Variants in HS6ST3 observed in about 807,000 individuals in gnomAD.
HS6ST3 encodes the protein heparan sulfate 6-O-sulfotransferase 3.
Under a neutral mutation model 36.7 loss-of-function variants are expected in HS6ST3, and 12 were observed. The ratio of observed to expected loss-of-function variants is 0.33; its 90% CI spans 0.21 to 0.53. The LOEUF (loss-of-function observed/expected upper bound fraction) is 0.53. Among genes scored for constraint, HS6ST3 ranks in the 20% least tolerant of loss-of-function variants. The pLI is 0.95. For missense variants in HS6ST3, 584 were observed against 640.9 expected, an observed-to-expected ratio of 0.91 and a Z score of 0.96; for synonymous variants, 240 against 257.5, an observed-to-expected ratio of 0.93 and a Z score of 0.65.
intron 1 of HS6ST3, among the ~76,000 whole-genome samples, chr13:96,111,012 A>G (rs969514371): frequency 1.3e-5 from 2 of 152,206 alleles, no homozygotes; most frequent in African/African-American, 4.8e-5. Context: ...GACTAGTATA[A>G]AGATATACCA....
At chr13:96,209,829 T>C (rs2139356721) in intron 1 of HS6ST3, among the ~76,000 whole-genome samples, 1 of 152,366 alleles carries the variant, frequency 6.6e-6, no homozygotes, top group South Asian at 2.1e-4. Flanking sequence ...TCAGAGGTCA[T>C]GTGTGACCTC....
At chr13:96,251,844 T>C (rs2139377731) in intron 1 of HS6ST3, among the ~76,000 whole-genome samples, 1 of 152,344 alleles carries the variant, frequency 6.6e-6, no homozygotes, top group East Asian at 1.9e-4. Context: ...TGTTGCTTAA[T>C]TTCTATATAT....
intron 1 of HS6ST3, among the ~76,000 whole-genome samples, chr13:96,722,400 GT>G (rs949619714): frequency 3.3e-5 from 5 of 152,178 alleles, no homozygotes; most frequent in African/African-American, 7.2e-5. Context: ...GCACTGTCCT[GT>G]TTTTTATAAA....
intron 1 of HS6ST3, among the ~76,000 whole-genome samples, chr13:96,701,045 G>C (rs1875272511): frequency 6.6e-6 from 1 of 152,146 alleles, no homozygotes; most frequent in Non-Finnish European, 1.5e-5. Context: ...TCACAGACTT[G>C]TTTCGATCAG....
intron 1 of HS6ST3, among the ~76,000 whole-genome samples, chr13:96,708,560 C>T (rs946812075): frequency 5.3e-5 from 8 of 152,176 alleles, no homozygotes; most frequent in African/African-American, 1.9e-4. Context: ...CTTCCCTCCT[C>T]ATAGAGCCTC....
chr13:96,593,445 C>A (rs186288387), intron 1 of HS6ST3, among the ~76,000 whole-genome samples: 48 of 151,648 alleles, frequency 3.2e-4, no homozygotes, highest in Admixed American at 8.6e-4. Flanking sequence ...ATCCACCCAC[C>A]TTTGTCTCCC....
chr13:96,247,254 G>A (rs1042375016), intron 1 of HS6ST3, among the ~76,000 whole-genome samples: 6 of 151,890 alleles, frequency 4.0e-5, no homozygotes, highest in Non-Finnish European at 7.4e-5. Flanking sequence ...CAGGTAATTG[G>A]TAGGGGAAAT....
chr13:96,407,535 G>A (rs1446906083), intron 1 of HS6ST3, among the ~76,000 whole-genome samples: 1 of 152,194 alleles, frequency 6.6e-6, no homozygotes, highest in Admixed American at 6.5e-5. Flanking sequence ...CGTTCACCTG[G>A]TTAGATAGGT....
chr13:96,295,070 A>T (rs921880518), intron 1 of HS6ST3, among the ~76,000 whole-genome samples: 1 of 152,116 alleles, frequency 6.6e-6, no homozygotes, highest in Non-Finnish European at 1.5e-5. Context: ...TGTGGTTAAG[A>T]CTAGGGCCAT....
intron 1 of HS6ST3, among the ~76,000 whole-genome samples, chr13:96,758,702 C>A (rs1314912666): frequency 1.3e-5 from 2 of 151,822 alleles, no homozygotes; most frequent in Non-Finnish European, 3.0e-5. Flanking sequence ...TCATTGACTT[C>A]TAATTCCTCT....
At chr13:96,829,697 A>G (rs1039218475) in intron 1 of HS6ST3, among the ~76,000 whole-genome samples, 1 of 152,170 alleles carries the variant, frequency 6.6e-6, no homozygotes, top group South Asian at 2.1e-4. Flanking sequence ...TCCATTGTGT[A>G]TATATACCAC....
chr13:96,368,182 C>G (rs2055272568), intron 1 of HS6ST3, among the ~76,000 whole-genome samples: 1 of 152,134 alleles, frequency 6.6e-6, no homozygotes, highest in Non-Finnish European at 1.5e-5. Context: ...TTCACTAACT[C>G]TAGGTTCTTA....
At chr13:96,203,019 A>G (rs370947995) in intron 1 of HS6ST3, among the ~76,000 whole-genome samples, 4 of 151,556 alleles carry the variant, frequency 2.6e-5, no homozygotes, top group African/African-American at 9.7e-5. Flanking sequence ...TCACTCATTT[A>G]CTCACTCCCT....
At chr13:96,347,411 A>G (rs575784391) in intron 1 of HS6ST3, among the ~76,000 whole-genome samples, 1 of 152,298 alleles carries the variant, frequency 6.6e-6, no homozygotes, top group East Asian at 1.9e-4. Flanking sequence ...GCTTGATGAA[A>G]TTATCATTAT....
chr13:96,231,689 A>G lies in HS6ST3; in HGVS notation c.707+140120A>G, dbSNP rs2054509018. On this transcript the variant is annotated intron_variant, in intron 1 of 1. Transcript: ENST00000376705. ...AGATTTGGGCAGGGACACAGACCCA[A>G]GCCATATCAAGGCCCATGCGCAAAA... Among the ~76,000 whole-genome samples the G allele has an allele frequency of 2.0e-5, 3 of 152,212 alleles. 1 individual carries two copies. Among genetic ancestry groups the G allele is most frequent in the Non-Finnish European group, 4.4e-5 (3 of 68,040 alleles).
intron 1 of HS6ST3, among the ~76,000 whole-genome samples, chr13:96,816,247 T>C (rs1291948564): frequency 3.9e-5 from 6 of 152,166 alleles, no homozygotes; most frequent in African/African-American, 1.4e-4. Context: ...ATTCCAGAAG[T>C]CACCTTTGGA....
chr13:96,304,943 G>C (rs2054904895), intron 1 of HS6ST3, among the ~76,000 whole-genome samples: 1 of 151,686 alleles, frequency 6.6e-6, no homozygotes, highest in South Asian at 2.1e-4. Flanking sequence ...ACTTAACCTT[G>C]TGATCCACCT....
intron 1 of HS6ST3, among the ~76,000 whole-genome samples, chr13:96,226,232 A>T (rs2054479623): frequency 6.6e-6 from 1 of 152,226 alleles, no homozygotes; most frequent in Admixed American, 6.5e-5. Context: ...ATTAAGATAA[A>T]GAAATTGGCC....
chr13:96,411,061 G>A (rs1466992191), intron 1 of HS6ST3, among the ~76,000 whole-genome samples: 3 of 152,158 alleles, frequency 2.0e-5, no homozygotes, highest in Non-Finnish European at 4.4e-5. Flanking sequence ...GGATTTGGGT[G>A]AAAAAAGTAA....
Sources: allele counts gnomAD v4.1 joint callset (sites outside exome capture counted in the v4.1 genomes callset), GRCh38; gene constraint gnomAD v4.1.1; transcripts MANE v1.5; gene names NCBI Gene and HGNC (gene_info 2026-07-23, HGNC 2026-07-21).